SMARCAD1: variants seen among roughly 807,000 people sequenced by gnomAD.
The protein encoded by SMARCAD1 is SWI/SNF-related matrix-associated actin-dependent regulator of chromatin subfamily A containing DEAD/H box 1.
A neutral mutation model predicts 127.1 loss-of-function variants in SMARCAD1; 25 were observed. That is an observed-to-expected ratio of 0.20 (90% CI 0.14 to 0.27). SMARCAD1 has a LOEUF of 0.27. Among genes scored for constraint, SMARCAD1 ranks in the 10% least tolerant of loss-of-function variants. SMARCAD1 has a pLI of 1.00. For synonymous variants in SMARCAD1, 400 were observed against 396.9 expected (o/e 1.01, Z -0.09); for missense variants, 807 against 1,206.0 (o/e 0.67, Z 4.90).
At chr4:94,229,540 T>TCTGGAAATCTTGTTCCTA (rs1745507129) in intron 3 of SMARCAD1, among the ~76,000 whole-genome samples, 1 of 152,126 alleles carries the variant, frequency 6.6e-6, no homozygotes, top group Non-Finnish European at 1.5e-5. Flanking sequence ...TCATTTTCCT[T>TCTGGAAATCTTGTTCCTA]TCTGGAACAA....
chr4:94,210,762 C>T (rs1364838781), intron 2 of SMARCAD1, among the ~76,000 whole-genome samples: 2 of 151,040 alleles, frequency 1.3e-5, no homozygotes, highest in Admixed American at 6.6e-5. Flanking sequence ...AGTGAAACCC[C>T]GTCTCTACTA....
intron 2 of SMARCAD1, among the ~76,000 whole-genome samples, chr4:94,218,082 G>A (rs1743485386): frequency 6.6e-6 from 1 of 152,046 alleles, no homozygotes; most frequent in African/African-American, 2.4e-5. Context: ...CTTCATATTT[G>A]TCTCTTGACT....
chr4:94,285,155 C>A, intron 23 of SMARCAD1, 86 bp downstream of exon 23: 1 of 857,584 alleles, frequency 1.2e-6, no homozygotes, highest in Non-Finnish European at 2.0e-6. Context: ...ACAAAGATGG[C>A]TACCTTAACT....
intron 9 of SMARCAD1, among the ~76,000 whole-genome samples, chr4:94,256,587 T>C (rs2125927044): frequency 6.6e-6 from 1 of 152,318 alleles, no homozygotes; most frequent in Middle Eastern, 3.4e-3. Flanking sequence ...GGGCTGGAAC[T>C]GCTGACCTCA....
chr4:94,284,481 C>T (rs1199855125), intron 22 of SMARCAD1, among the ~76,000 whole-genome samples: 2 of 151,920 alleles, frequency 1.3e-5, no homozygotes, highest in Non-Finnish European at 2.9e-5. Context: ...TCACTTCAAT[C>T]TCCACCTCCC....
At chr4:94,282,242 G>A (rs919422765) in intron 21 of SMARCAD1, among the ~76,000 whole-genome samples, 96 of 107,510 alleles carry the variant, frequency 8.9e-4, no homozygotes, top group Non-Finnish European at 1.3e-3. Context: ...GACTACAGGC[G>A]CCTGCTACCA....
chr4:94,287,239 G>A (rs539000245), intron 23 of SMARCAD1, among the ~76,000 whole-genome samples: 2 of 152,140 alleles, frequency 1.3e-5, no homozygotes, highest in Admixed American at 6.5e-5. Context: ...TTATTTACTC[G>A]TTTAGCTGTA....
intron 2 of SMARCAD1, among the ~76,000 whole-genome samples, chr4:94,224,126 A>G (rs1001748951): frequency 1.3e-5 from 2 of 152,168 alleles, no homozygotes; most frequent in African/African-American, 4.8e-5. Flanking sequence ...AGGTTTCTTC[A>G]TGTTTATGGC....
At chr4:94,238,890 G>A (rs1412521218) in intron 5 of SMARCAD1, among the ~76,000 whole-genome samples, 1 of 151,210 alleles carries the variant, frequency 6.6e-6, no homozygotes, top group Non-Finnish European at 1.5e-5. Context: ...TTACTAGGTA[G>A]CACAGGCTGT....
At position 94,291,166 on chromosome 4, in the gene SMARCAD1, G is replaced by A. The variant is rs1366776320; in HGVS notation, c.*1632G>A. 6.6e-6 allele frequency: 3 copies of A among 453,388 alleles called. No individual in the cohort carries two copies. Among genetic ancestry groups the A allele is most frequent in the Non-Finnish European group, 1.3e-5 (3 of 226,586 alleles). The allele number at this position is 453,388 out of a possible 1,614,324, so 28.1% of individuals were successfully genotyped here. On this transcript the variant is annotated 3_prime_UTR_variant, in exon 24 of 24. Coordinates refer to ENST00000354268, the MANE Select transcript of SMARCAD1 (RefSeq NM_020159.5). ...ATTAATGTATTTTCAATGATAGGCT[G>A]TTTCTTTTTTTGTTGTTATTGTTGT...
Position 94,274,804 on chromosome 4 carries a change from A to G in SMARCAD1, c.1732+7A>G, listed in dbSNP as rs1172879002. 1 of 1,613,612 alleles carries G rather than the reference A, an allele frequency of 6.2e-7. No individual in the cohort carries two copies. The highest frequency in any genetic ancestry group is 8.5e-7 in the Non-Finnish European group (1 of 1,179,570). ...AAGGTCCTCTGTTACTATGGTAAGA[A>G]TATGTCATTCTGCTTTTAACTTTGG... On this transcript the variant is annotated splice_region_variant and intron_variant, in intron 13 of 23. Transcript: ENST00000354268.
At chr4:94,288,259 C>T (rs1295641334) in intron 23 of SMARCAD1, among the ~76,000 whole-genome samples, 2 of 147,590 alleles carry the variant, frequency 1.4e-5, no homozygotes, top group Non-Finnish European at 3.1e-5. Flanking sequence ...TCTCATTTGT[C>T]CCCTTAATGT....
In SMARCAD1 at chr4:94,240,263, A is replaced by T. The variant is rs984892628; in HGVS notation, c.605-643A>T. On this transcript the variant is annotated intron_variant, in intron 5 of 23. Transcript: ENST00000354268. ...ATATACATAATGTATACAAGCATAC[A>T]TAAGTAGCATATGTAGCTCTAGTTT... is the stretch of plus-strand genomic sequence containing the variant. 5.3e-5 allele frequency among the ~76,000 whole-genome samples: 8 copies of T among 152,246 alleles called. No individual in the cohort carries two copies. In the East Asian group the frequency reaches 1.5e-3, roughly 29 times the overall value.
Position 94,280,752 on chromosome 4 carries a change from GA to G in SMARCAD1, c.2580del (p.Cys861AlafsTer6). On this transcript the variant is annotated frameshift_variant, in exon 20 of 24. Coordinates refer to ENST00000354268, the MANE Select transcript of SMARCAD1 (RefSeq NM_020159.5). LOFTEE classifies it high-confidence loss of function. ...ILDSGKFRVL[G>X]CILSELKQKG... ...GATTCTGGAAAATTTCGAGTTTTAG[GA>G]TGCATCTTGTCTGAATTGAAACAGA... The G allele has an allele frequency of 6.2e-7, 1 of 1,613,588 alleles. No homozygotes were observed. Among genetic ancestry groups the G allele is most frequent in the Non-Finnish European group, 8.5e-7 (1 of 1,179,800 alleles).
chr4:94,267,999 G>T (rs955275102), intron 10 of SMARCAD1, among the ~76,000 whole-genome samples: 1 of 152,094 alleles, frequency 6.6e-6, no homozygotes, highest in African/African-American at 2.4e-5. Flanking sequence ...TATCAAAATT[G>T]CATTTTCTTT....
intron 9 of SMARCAD1, among the ~76,000 whole-genome samples, chr4:94,257,201 C>G: frequency 6.6e-6 from 1 of 152,046 alleles, no homozygotes; most frequent in Middle Eastern, 3.4e-3. Context: ...CTTTCTTCCT[C>G]CTGAAAAAAA....
At position 94,264,853 on chromosome 4, in the gene SMARCAD1, T is replaced by C. The variant is rs1751501102; in HGVS notation, c.1428T>C (p.Leu476=). 6.2e-7 allele frequency: 1 copy of C among 1,612,980 alleles called. No homozygotes were observed. Among genetic ancestry groups the C allele is most frequent in the Admixed American group, 1.7e-5 (1 of 59,972 alleles). Residue 476 remains leucine (L), a synonymous_variant, in exon 10 of 24, where the codon CTT becomes CTC. Transcript: ENST00000354268. ...AATTGACCAAACAAGTTACCATGCT[T>C]ACTGGAAATGGAGGTGGATGGAACA... ...SNKLTKQVTM[L]TGNGGGWNIE...
chr4:94,262,270 T>C (rs1282879971), intron 9 of SMARCAD1, among the ~76,000 whole-genome samples: 1 of 152,196 alleles, frequency 6.6e-6, no homozygotes, highest in African/African-American at 2.4e-5. Flanking sequence ...TTTGCCATCT[T>C]GGTAAATTTT....
Position 94,239,729 on chromosome 4 carries a change from C to T in SMARCAD1, c.605-1177C>T, listed in dbSNP as rs887429439. The stretch of plus-strand genomic sequence containing the variant: ...CTGGGACTACAGGCATGCACCACCA[C>T]GCCTAGCTAATTTTTGTAGTTTGAG... On this transcript the variant is annotated intron_variant, in intron 5 of 23. Transcript: ENST00000354268. 2.0e-4 allele frequency among the ~76,000 whole-genome samples: 30 copies of T among 152,048 alleles called. 1 individual carries two copies. Among genetic ancestry groups the T allele is most frequent in the Middle Eastern group, 6.8e-3 (2 of 294 alleles).
Sources: allele counts gnomAD v4.1 joint callset (sites outside exome capture counted in the v4.1 genomes callset), GRCh38; gene constraint gnomAD v4.1.1; transcripts MANE v1.5; gene names NCBI Gene and HGNC (gene_info 2026-07-23, HGNC 2026-07-21).